TAF4: variants seen among roughly 807,000 people sequenced by gnomAD.
The protein encoded by TAF4 is TATA-box binding protein associated factor 4.
In TAF4, 9 loss-of-function variants were observed where a neutral mutation model predicts 90.3. The ratio of observed to expected loss-of-function variants is 0.10; its 90% CI spans 0.06 to 0.17. The LOEUF (loss-of-function observed/expected upper bound fraction) is 0.17, where lower values mean the gene tolerates loss of function less well. Among genes scored for constraint, TAF4 ranks in the 10% least tolerant of loss-of-function variants. The pLI, the probability that TAF4 is intolerant of heterozygous loss-of-function variation, is 1.00. For missense variants in TAF4, 1,351 were observed against 1,370.7 expected, an observed-to-expected ratio of 0.99 and a Z score of 0.23; for synonymous variants, 818 against 638.9, an observed-to-expected ratio of 1.28 and a Z score of -4.23.
chr20:61,998,928 G>C, intron 12 of TAF4, 55 bp downstream of exon 12: 2 of 1,599,978 alleles, frequency 1.3e-6, no homozygotes, highest in Non-Finnish European at 1.7e-6. Context: ...GAGCTCATCA[G>C]GTTGTGGCTG....
chr20:62,014,251 GGGGCCAGAGC>G (rs1029486541), intron 2 of TAF4, among the ~76,000 whole-genome samples: 1 of 152,126 alleles, frequency 6.6e-6, no homozygotes, highest in African/African-American at 2.4e-5. Flanking sequence ...GAGAAGGGAA[GGGGCCAGAGC>G]GGCCAACCCT....
At chr20:62,056,230 C>CT (rs760718292) in intron 1 of TAF4, among the ~76,000 whole-genome samples, 100 of 152,088 alleles carry the variant, frequency 6.6e-4, no homozygotes, top group South Asian at 1.9e-3. Flanking sequence ...GAGTGAGACT[C>CT]TGTCTCGAAA....
chr20:62,023,551 C>G (rs1319475567), intron 1 of TAF4, among the ~76,000 whole-genome samples: 2 of 151,992 alleles, frequency 1.3e-5, no homozygotes, highest in African/African-American at 4.8e-5. Context: ...AGTTCGAGAC[C>G]AGCCTGGCCA....
At chr20:61,996,138 A>T (rs1267189025) in intron 14 of TAF4, among the ~76,000 whole-genome samples, 1 of 152,226 alleles carries the variant, frequency 6.6e-6, no homozygotes, top group Non-Finnish European at 1.5e-5. Context: ...CATGAAGCAT[A>T]CCACGTACAG....
chr20:62,023,339 G>A (rs1008967233), intron 1 of TAF4, among the ~76,000 whole-genome samples: 4 of 152,004 alleles, frequency 2.6e-5, no homozygotes, highest in African/African-American at 4.8e-5. Flanking sequence ...GCTGAGGCAC[G>A]AGAATCGCTT....
At chr20:62,035,880 G>A (rs1458766510) in intron 1 of TAF4, among the ~76,000 whole-genome samples, 5 of 151,378 alleles carry the variant, frequency 3.3e-5, no homozygotes, top group East Asian at 3.9e-4. Context: ...TAAAGAAAAC[G>A]GGGCAAAAAG....
Position 62,065,502 on chromosome 20 carries a change from C to G in TAF4, c.309G>C (p.Gln103His), listed in dbSNP as rs1568947606. ...GGCGCGGTGAGGGGGGGCCCGGGCG[C>G]TGCGGCCCCCCGCCCCCCGGCCGCG... Reference protein sequence around the residue: ...GRARPGGGGPQRPGPPSPRRP... With the variant: ...GRARPGGGGPHRPGPPSPRRP... The change falls in exon 1 of 15, where the codon CAG (glutamine) becomes CAC (histidine). Residue 103 changes from glutamine to histidine, a missense_variant. Around this residue, in one of 9 missense-constraint regions of TAF4, gnomAD observed 782 missense variants for 536.6 expected, o/e 1.46. Transcript: ENST00000252996. 4 of 971,798 alleles carry G rather than the reference C, an allele frequency of 4.1e-6. No homozygotes were observed. The highest frequency in any genetic ancestry group is 4.9e-6 in the Non-Finnish European group (4 of 821,342). The allele number at this position is 971,798 out of a possible 1,614,324, so 60.2% of individuals were successfully genotyped here.
intron 1 of TAF4, among the ~76,000 whole-genome samples, chr20:62,045,741 A>G (rs1363608267): frequency 6.6e-6 from 1 of 152,176 alleles, no homozygotes; most frequent in East Asian, 1.9e-4. Flanking sequence ...AGCGCAACAG[A>G]TCTGTGGCGA....
At chr20:61,992,156 C>T (rs111658847) in intron 14 of TAF4, among the ~76,000 whole-genome samples, 130 of 152,216 alleles carry the variant, frequency 8.5e-4, no homozygotes, top group Non-Finnish European at 1.6e-3. Context: ...AACATAAAGA[C>T]GAGTCACGGC....
At chr20:62,018,429 C>T (rs149774661) in intron 1 of TAF4, among the ~76,000 whole-genome samples, 5 of 152,372 alleles carry the variant, frequency 3.3e-5, no homozygotes, top group African/African-American at 1.2e-4. Flanking sequence ...AGTGCAACTC[C>T]GTCTCAAGAC....
Position 62,064,834 on chromosome 20 carries a change from C to A in TAF4, c.977G>T (p.Ser326Ile). 1.0e-6 allele frequency: 1 copy of A among 971,508 alleles called. No individual in the cohort carries two copies. Among genetic ancestry groups the A allele is most frequent in the Non-Finnish European group, 1.2e-6 (1 of 822,676 alleles). 60.2% of individuals were successfully genotyped at this position (971,508 alleles called of 1,614,324 possible). A position where few individuals can be genotyped will look rare whatever the true frequency, so the allele number is the denominator to read the frequency against. ...CGCCGCGCCGGGCCCGGGTTGGCCG[C>A]TGACCCCCGCGGGGCCCCCGGCGGC... ...APAAGGPAGV[S>I]GQPGPGAAAA... The change falls in exon 1 of 15, where the codon AGC (serine) becomes ATC (isoleucine). Residue 326 changes from serine to isoleucine, a missense_variant. By Grantham distance (142) the Ser-to-Ile change is moderately radical. This residue lies in a region of TAF4 where 782 missense variants were observed against 536.6 expected (regional missense o/e 1.46). Transcript: ENST00000252996.
At chr20:62,023,738 A>G (rs1240529946) in intron 1 of TAF4, among the ~76,000 whole-genome samples, 1 of 126,960 alleles carries the variant, frequency 7.9e-6, no homozygotes, top group East Asian at 2.3e-4. Context: ...ACAGAGCAAG[A>G]CTCCATCTCA....
chr20:62,014,782 G>C (rs2055803626), intron 1 of TAF4, 75 bp from the exon 2 acceptor site: 1 of 1,553,308 alleles, frequency 6.4e-7, no homozygotes, highest in African/African-American at 1.4e-5. Flanking sequence ...CTGACCCAGG[G>C]GAAGCTGACA....
At chr20:61,978,043 GACCAACCAAGGGAGGGCGCGAC>G (rs1208327356) in intron 14 of TAF4, among the ~76,000 whole-genome samples, 90 of 119,742 alleles carry the variant, frequency 7.5e-4, no homozygotes, top group East Asian at 3.1e-3. Flanking sequence ...GAGGGCACGA[GACCAACCAAGGGAGGGCGCGAC>G]ACCAACCAAG....
Position 62,040,936 on chromosome 20 carries a change from A to T in TAF4, c.1360+23515T>A, listed in dbSNP as rs77978831. On this transcript the variant is annotated intron_variant, in intron 1 of 14. Coordinates refer to ENST00000252996, the MANE Select transcript of TAF4 (RefSeq NM_003185.4). ...TTCGTAATAGCCAAAAACTGGAAAC[A>T]TGCCAGACTCCTCAGCTGGCAAATG... 2.0e-5 allele frequency among the ~76,000 whole-genome samples: 3 copies of T among 152,386 alleles called. No homozygotes were observed. The East Asian group carries it at 5.8e-4, about 29-fold the overall frequency.
rs112501116 is a variant in TAF4, at chr20:62,010,266, G to A, written c.1642-101C>T. 19,490 of 1,563,548 alleles carry A rather than the reference G, an allele frequency of 0.012. 175 individuals carry two copies. Among genetic ancestry groups the A allele is most frequent in the Non-Finnish European group, 0.016 (18,020 of 1,152,194 alleles). The stretch of plus-strand genomic sequence containing the variant: ...AGCAAAAGAAAACAAGCCTCCCTGC[G>A]GTGGCCAGGACGCCCAGGAAGCCAA... On this transcript the variant is annotated intron_variant, in intron 3 of 14. Transcript: ENST00000252996. The surrounding 1 kb of genome is among the most constrained non-coding windows in gnomAD (Gnocchi z 4.5).
chr20:62,038,306 C>T (rs929269472), intron 1 of TAF4, among the ~76,000 whole-genome samples: 6 of 151,422 alleles, frequency 4.0e-5, no homozygotes, highest in African/African-American at 1.2e-4. Flanking sequence ...GGACTACAGG[C>T]GTGTGCCACC....
intron 1 of TAF4, among the ~76,000 whole-genome samples, chr20:62,021,358 G>A (rs1416136952): frequency 6.6e-6 from 1 of 152,252 alleles, no homozygotes; most frequent in Non-Finnish European, 1.5e-5. Flanking sequence ...GGAGGAACAG[G>A]CATGGCCAGG....
intron 1 of TAF4, among the ~76,000 whole-genome samples, chr20:62,026,634 G>A (rs2055876139): frequency 6.6e-6 from 1 of 152,116 alleles, no homozygotes; most frequent in Non-Finnish European, 1.5e-5. Context: ...ACACCCTCTG[G>A]AAAGCCAGGC....
Sources: gnomAD v4.1 joint callset for allele counts (sites outside exome capture counted in the v4.1 genomes callset) on GRCh38, gnomAD v4.1.1 for gene constraint, gnomAD v4.1.1 regional missense constraint, Gnocchi (gnomAD v3.1) non-coding constraint, MANE v1.5 for transcripts, NCBI Gene and HGNC (gene_info 2026-07-23, HGNC 2026-07-21) for gene names.